Variants in ABTB3 observed in about 807,000 individuals in gnomAD.
ABTB3 encodes the protein ankyrin repeat and BTB domain containing 3, also known as ankyrin repeat- and BTB/POZ domain-containing protein 3.
chr12:107,318,496 A>C, the ABTB3 span: 2 of 156,462 alleles, frequency 1.3e-5, no homozygotes, highest in Non-Finnish European at 1.4e-5. Context: ...AGGGCCGGGA[A>C]CTGGGAGCCG....
At chr12:107,621,787 T>C in the ABTB3 span, among the ~76,000 whole-genome samples, 1 of 152,198 alleles carries the variant, frequency 6.6e-6, no homozygotes, top group Non-Finnish European at 1.5e-5. Flanking sequence ...ACACTTTGTT[T>C]TGCCTGGAGC....
chr12:107,385,615 G>GCT, the ABTB3 span, among the ~76,000 whole-genome samples: 1 of 152,160 alleles, frequency 6.6e-6, no homozygotes, highest in Non-Finnish European at 1.5e-5. Flanking sequence ...ACTCAGCAGT[G>GCT]CTCTGCCTGG....
At chr12:107,353,067 A>G in the ABTB3 span, among the ~76,000 whole-genome samples, 1 of 152,184 alleles carries the variant, frequency 6.6e-6, no homozygotes, top group Admixed American at 6.5e-5. Context: ...TAGGAGACCC[A>G]TCAGGTGATG....
the ABTB3 span, among the ~76,000 whole-genome samples, chr12:107,500,162 T>C: frequency 1.3e-5 from 2 of 152,180 alleles, no homozygotes; most frequent in Non-Finnish European, 2.9e-5. Flanking sequence ...ATCACCCTGG[T>C]AGGACAAGCT....
the ABTB3 span, among the ~76,000 whole-genome samples, chr12:107,513,912 T>C: frequency 1.3e-5 from 2 of 152,258 alleles, no homozygotes; most frequent in African/African-American, 4.8e-5. Flanking sequence ...CAAATGGTTG[T>C]CTGTCTCCAG....
At chr12:107,550,449 GAAA>G in the ABTB3 span, among the ~76,000 whole-genome samples, 1 of 149,128 alleles carries the variant, frequency 6.7e-6, no homozygotes, top group Non-Finnish European at 1.5e-5. Flanking sequence ...TCGTAATATG[GAAA>G]ATTCTCTGAA....
chr12:107,573,662 A>C, the ABTB3 span, among the ~76,000 whole-genome samples: 1 of 152,356 alleles, frequency 6.6e-6, no homozygotes, highest in Admixed American at 6.5e-5. Context: ...AAGATTGTGG[A>C]TACTGGCAAG....
the ABTB3 span, among the ~76,000 whole-genome samples, chr12:107,603,479 C>T: frequency 6.6e-6 from 1 of 152,132 alleles, no homozygotes; most frequent in Non-Finnish European, 1.5e-5. Context: ...GCAAAGGACG[C>T]TCTCTTCAGT....
At chr12:107,386,451 C>T in the ABTB3 span, among the ~76,000 whole-genome samples, 4 of 152,160 alleles carry the variant, frequency 2.6e-5, no homozygotes, top group African/African-American at 7.2e-5. Flanking sequence ...ATTTTTGTTA[C>T]GGAATGACTC....
At chr12:107,574,449 G>A in the ABTB3 span, among the ~76,000 whole-genome samples, 1 of 152,212 alleles carries the variant, frequency 6.6e-6, no homozygotes, top group African/African-American at 2.4e-5. Context: ...TCAGCTGGGT[G>A]CGGTGGCTCA....
chr12:107,450,182 T>A, the ABTB3 span, among the ~76,000 whole-genome samples: 1 of 152,038 alleles, frequency 6.6e-6, no homozygotes, highest in South Asian at 2.1e-4. Flanking sequence ...CTTATGACTT[T>A]TTTCTCCCTT....
chr12:107,547,341 G>A, the ABTB3 span, among the ~76,000 whole-genome samples: 3 of 152,054 alleles, frequency 2.0e-5, no homozygotes, highest in East Asian at 1.9e-4. Flanking sequence ...TGGAAGTCTC[G>A]CCATGTGACA....
At chr12:107,350,369 T>C in the ABTB3 span, among the ~76,000 whole-genome samples, 2 of 151,798 alleles carry the variant, frequency 1.3e-5, no homozygotes, top group Admixed American at 1.3e-4. Flanking sequence ...GCTAACACGG[T>C]GAAACCCCGT....
At chr12:107,615,205 C>T in the ABTB3 span, 1 of 1,505,800 alleles carries the variant, frequency 6.6e-7, no homozygotes, top group Non-Finnish European at 9.2e-7. Context: ...TTTGATTTTA[C>T]CTCTTCCATA....
the ABTB3 span, among the ~76,000 whole-genome samples, chr12:107,637,786 T>TTGTGTG: frequency 9.1e-4 from 132 of 144,736 alleles, 1 homozygote; most frequent in African/African-American, 2.0e-3. Flanking sequence ...AGCACTGATT[T>TTGTGTG]TGTGTGTGTG....
At chr12:107,427,037 G>A in the ABTB3 span, among the ~76,000 whole-genome samples, 980 of 152,286 alleles carry the variant, frequency 6.4e-3, 14 homozygotes, top group African/African-American at 0.022. Flanking sequence ...AAACTTTGTG[G>A]CTCAAAGCAA....
the ABTB3 span, among the ~76,000 whole-genome samples, chr12:107,503,322 A>C: frequency 6.6e-6 from 1 of 151,980 alleles, no homozygotes; most frequent in Non-Finnish European, 1.5e-5. Flanking sequence ...TGGGCTTTGG[A>C]TGGGTCAGTT....
chr12:107,430,079 T>C, the ABTB3 span, among the ~76,000 whole-genome samples: 1,505 of 152,362 alleles, frequency 9.9e-3, 35 homozygotes, highest in African/African-American at 0.034. Context: ...CAAATTCATA[T>C]TATGCTATGC....
chr12:107,503,756 C>CAAAAAAAAAAAAA, the ABTB3 span, among the ~76,000 whole-genome samples: 61 of 70,664 alleles, frequency 8.6e-4, 3 homozygotes, highest in Middle Eastern at 8.9e-3. Flanking sequence ...GACCCTATCT[C>CAAAAAAAAAAAAA]AAAAAAAAAA....
Sources: allele counts gnomAD v4.1 joint callset (sites outside exome capture counted in the v4.1 genomes callset), GRCh38; gene constraint gnomAD v4.1.1; transcripts MANE v1.5; gene names NCBI Gene and HGNC (gene_info 2026-07-23, HGNC 2026-07-21).